Variants in A1CF observed in about 807,000 individuals in gnomAD.
The protein encoded by A1CF is APOBEC1 complementation factor.
A1CF carries 48 observed loss-of-function variants against 68.9 expected under a neutral mutation model. The ratio of observed to expected loss-of-function variants is 0.70; its 90% confidence interval spans 0.55 to 0.89. The LOEUF is 0.89. Ranked by LOEUF, A1CF falls within the 40% of genes least tolerant of loss-of-function variation. The pLI, the probability that A1CF is intolerant of heterozygous loss-of-function variation, is 0.00. For missense variants in A1CF, 653 were observed against 718.9 expected (o/e 0.91, Z 1.05); for synonymous variants, 272 against 260.4 (o/e 1.04, Z -0.43).
At chr10:50,819,364 C>A (rs1463795963) in intron 8 of A1CF, among the ~76,000 whole-genome samples, 1 of 152,148 alleles carries the variant, frequency 6.6e-6, no homozygotes, top group East Asian at 1.9e-4. Flanking sequence ...CTCAAGCAAT[C>A]CTTCTACCTC....
chr10:50,806,594 C>T lies in A1CF; in HGVS notation c.*135G>A, dbSNP rs542522767. 1 of 713,922 alleles carries T rather than the reference C, an allele frequency of 1.4e-6. No individual in the cohort carries two copies. Among genetic ancestry groups the T allele is most frequent in the Admixed American group, 3.4e-5 (1 of 29,422 alleles). The allele number at this position is 713,922 out of a possible 1,614,324, so 44.2% of individuals were successfully genotyped here. A position where few individuals can be genotyped will look rare whatever the true frequency, so the allele number is the denominator to read the frequency against. On this transcript the variant is annotated 3_prime_UTR_variant, in exon 13 of 13. Transcript: ENST00000373997. ...TTCATGATTCTATAATTGGTATAAG[C>T]TATACAGTCTCTGGAAAGGCATTTC...
At chr10:50,858,965 A>T (rs1165152608) in intron 3 of A1CF, among the ~76,000 whole-genome samples, 1 of 151,822 alleles carries the variant, frequency 6.6e-6, no homozygotes, top group Non-Finnish European at 1.5e-5. Flanking sequence ...TTAATTAAAA[A>T]ATAAATGTAT....
At chr10:50,811,245 T>C in intron 10 of A1CF, 69 bp from the exon 11 acceptor site, 1 of 1,475,444 alleles carries the variant, frequency 6.8e-7, no homozygotes, top group Non-Finnish European at 9.2e-7. Flanking sequence ...GTTTTCAGGT[T>C]TTTAAACTCT....
chr10:50,811,974 C>G (rs1838134632), intron 10 of A1CF, among the ~76,000 whole-genome samples: 1 of 152,218 alleles, frequency 6.6e-6, no homozygotes, highest in South Asian at 2.1e-4. Context: ...CTCTGTAAGA[C>G]AGAACAATGT....
At chr10:50,846,939 A>G (rs1221806638) in intron 3 of A1CF, among the ~76,000 whole-genome samples, 3 of 152,168 alleles carry the variant, frequency 2.0e-5, no homozygotes, top group Non-Finnish European at 4.4e-5. Context: ...TGTACCAGTA[A>G]TGGAAGTTCA....
intron 1 of A1CF, among the ~76,000 whole-genome samples, chr10:50,864,594 TG>T (rs1303250959): frequency 3.9e-5 from 6 of 152,134 alleles, no homozygotes; most frequent in Non-Finnish European, 8.8e-5. Context: ...CCACCAAACC[TG>T]CTATGTAAAA....
At chr10:50,843,305 T>C (rs535842774) in intron 4 of A1CF, among the ~76,000 whole-genome samples, 69 of 152,312 alleles carry the variant, frequency 4.5e-4, no homozygotes, top group African/African-American at 1.6e-3. Context: ...AGGGATTGTA[T>C]GTGTAAAATT....
intron 1 of A1CF, among the ~76,000 whole-genome samples, chr10:50,872,993 T>G (rs962333299): frequency 7.7e-6 from 1 of 130,466 alleles, no homozygotes; most frequent in Non-Finnish European, 1.6e-5. Flanking sequence ...TCTCGCTCTA[T>G]CACCCAGGCT....
At chr10:50,881,504 AAT>A (rs1378474243) in intron 1 of A1CF, among the ~76,000 whole-genome samples, 1 of 152,194 alleles carries the variant, frequency 6.6e-6, no homozygotes, top group Non-Finnish European at 1.5e-5. Context: ...TGCCATTAAA[AAT>A]CTTTATAAGT....
rs767446041 is a variant in A1CF at position 50,816,137 on chromosome 10, G to A, written c.1010C>T (p.Pro337Leu). 4.8e-5 allele frequency: 78 copies of A among 1,613,654 alleles called. No individual in the cohort carries two copies. The highest frequency in any genetic ancestry group is 6.4e-5 in the Non-Finnish European group (75 of 1,179,882). ...YTYSLGQVYD[P>L]TTTYLGAPVF... Reference sequence around the variant, plus strand: ...AGGAGCTCCAAGGTAGGTTGTGGTGGGATCATAAACTTGGCCCAAAGAGTA... The same window carrying A: ...AGGAGCTCCAAGGTAGGTTGTGGTGAGATCATAAACTTGGCCCAAAGAGTA... Residue 337 changes from proline to leucine, a missense_variant, in exon 9 of 13, where the codon CCC becomes CTC. By Grantham distance (98) the Pro-to-Leu change is moderately conservative. Coordinates refer to ENST00000373997, the MANE Select transcript of A1CF (RefSeq NM_014576.4).
intron 6 of A1CF, 29 bp downstream of exon 6, chr10:50,836,045 G>A (rs1179687551): frequency 5.8e-6 from 9 of 1,551,140 alleles, no homozygotes; most frequent in East Asian, 2.3e-5. Flanking sequence ...AGGCAGAGAA[G>A]TCTCATCTTT....
chr10:50,833,918 G>A (rs1839365813), intron 6 of A1CF, among the ~76,000 whole-genome samples: 1 of 152,130 alleles, frequency 6.6e-6, no homozygotes, highest in Non-Finnish European at 1.5e-5. Flanking sequence ...GGGTTGCATT[G>A]GATCATAGTG....
In A1CF at chr10:50,803,372, G is replaced by A. The variant is rs555394887; in HGVS notation, c.*3357C>T. 1 of 152,382 alleles carries A rather than the reference G, an allele frequency of 6.6e-6. No homozygotes were observed. The highest frequency in any genetic ancestry group is 6.5e-5 in the Admixed American group (1 of 15,306). 9.4% of individuals were successfully genotyped at this position (152,382 alleles called of 1,614,324 possible). ...CCTGCCTTGGCCTCCCAAAGTACTG[G>A]GGTTATAGGCATGGGCCACTGTGCC... is the stretch of plus-strand genomic sequence containing the variant. On this transcript the variant is annotated 3_prime_UTR_variant, in exon 13 of 13. Transcript: ENST00000373997.
rs1837628281 is a variant in A1CF, at chr10:50,802,227, C to G, written c.*4502G>C. 6.6e-6 allele frequency: 1 copy of G among 152,114 alleles called. No homozygotes were observed. The highest frequency in any genetic ancestry group is 1.5e-5 in the Non-Finnish European group (1 of 68,006). 9.4% of individuals were successfully genotyped at this position (152,114 alleles called of 1,614,324 possible). ...GAGCCTGGTAGATACATTACACTTT[C>G]TATGAATATGTTCTAGTAAAATTCA... On this transcript the variant is annotated 3_prime_UTR_variant, in exon 13 of 13. Transcript: ENST00000373997.
chr10:50,852,334 C>T (rs1293040393), intron 3 of A1CF, among the ~76,000 whole-genome samples: 2 of 152,098 alleles, frequency 1.3e-5, no homozygotes, highest in Non-Finnish European at 2.9e-5. Context: ...ATGAAGTTCC[C>T]ACAAATGTTG....
At chr10:50,861,658 T>C (rs899312413) in intron 2 of A1CF, among the ~76,000 whole-genome samples, 8 of 147,922 alleles carry the variant, frequency 5.4e-5, no homozygotes, top group Non-Finnish European at 1.2e-4. Flanking sequence ...ATAATGACAG[T>C]GCTAGTATTA....
At chr10:50,816,988 G>A (rs1838403829) in intron 8 of A1CF, among the ~76,000 whole-genome samples, 1 of 152,216 alleles carries the variant, frequency 6.6e-6, no homozygotes, top group East Asian at 1.9e-4. Flanking sequence ...GTAGTTGGGA[G>A]TGAGAGTAGT....
At position 50,844,234 on chromosome 10, in the gene A1CF, A is replaced by G. The variant is rs1350139748; in HGVS notation, c.100-112T>C. ...ACATTAATGAATGTATTTATCATTG[A>G]CAAGTAATAATAGTGGACTGGTTAA... On this transcript the variant is annotated intron_variant, in intron 3 of 12. Transcript: ENST00000373997. 3 of 1,452,472 alleles carry G rather than the reference A, an allele frequency of 2.1e-6. No individual in the cohort carries two copies. In the East Asian group the frequency reaches 7.0e-5, roughly 34 times the overall value. 90.0% of individuals were successfully genotyped at this position (1,452,472 alleles called of 1,614,324 possible). A position where few individuals can be genotyped will look rare whatever the true frequency, so the allele number is the denominator to read the frequency against.
At position 50,801,664 on chromosome 10, in the gene A1CF, G is replaced by A. The variant is rs1036484353; in HGVS notation, c.*5065C>T. On this transcript the variant is annotated 3_prime_UTR_variant, in exon 13 of 13. Transcript: ENST00000373997. Reference sequence around the variant, plus strand: ...GGTATCTCCTATTCCCTTAGACAAAGTATCATTTGTGGAAAGAGAACAAGC... The same window carrying A: ...GGTATCTCCTATTCCCTTAGACAAAATATCATTTGTGGAAAGAGAACAAGC... The A allele has an allele frequency of 6.6e-6, 1 of 152,118 alleles. No homozygotes were observed. Among genetic ancestry groups the A allele is most frequent in the Non-Finnish European group, 1.5e-5 (1 of 68,020 alleles). The allele number at this position is 152,118 out of a possible 1,614,324, so 9.4% of individuals were successfully genotyped here. A position where few individuals can be genotyped will look rare whatever the true frequency, so the allele number is the denominator to read the frequency against.
Sources: allele counts gnomAD v4.1 joint callset (sites outside exome capture counted in the v4.1 genomes callset), GRCh38; gene constraint gnomAD v4.1.1; transcripts MANE v1.5; gene names NCBI Gene and HGNC (gene_info 2026-07-23, HGNC 2026-07-21).